The following LHFPL4 variants were observed in gnomAD, a reference collection of about 807,000 sequenced individuals.
The protein encoded by LHFPL4 is LHFPL tetraspan subfamily member 4, also known as LHFPL tetraspan subfamily member 4 protein.
A neutral mutation model predicts 20.0 loss-of-function variants in LHFPL4; 6 were observed. The ratio of observed to expected loss-of-function variants is 0.30; its 90% CI spans 0.16 to 0.59. The LOEUF (loss-of-function observed/expected upper bound fraction) is 0.59. Among genes scored for constraint, LHFPL4 ranks in the 20% least tolerant of loss-of-function variants. The pLI, the probability that LHFPL4 is intolerant of heterozygous loss-of-function variation, is 0.88. For missense variants in LHFPL4, 215 were observed against 331.2 expected (o/e 0.65, Z 2.72); for synonymous variants, 129 against 143.8 (o/e 0.90, Z 0.74).
At chr3:9,529,937 T>A (rs1559520274) in intron 2 of LHFPL4, among the ~76,000 whole-genome samples, 1 of 151,960 alleles carries the variant, frequency 6.6e-6, no homozygotes, top group Admixed American at 6.6e-5. Flanking sequence ...GGCTCTTTTT[T>A]TTTTTTTCCT....
At chr3:9,520,595 C>T (rs956790204) in intron 2 of LHFPL4, among the ~76,000 whole-genome samples, 6 of 152,208 alleles carry the variant, frequency 3.9e-5, no homozygotes, top group South Asian at 2.1e-4. Flanking sequence ...CCGCCTGCCT[C>T]GGCCACTCAA....
chr3:9,523,933 T>C (rs998046479), intron 2 of LHFPL4, among the ~76,000 whole-genome samples: 1 of 152,164 alleles, frequency 6.6e-6, no homozygotes, highest in African/African-American at 2.4e-5. Flanking sequence ...TTATTTCTCC[T>C]TCACTTTTGA....
intron 2 of LHFPL4, among the ~76,000 whole-genome samples, chr3:9,520,474 C>A (rs939147220): frequency 5.9e-5 from 9 of 151,992 alleles, no homozygotes; most frequent in African/African-American, 1.9e-4. Context: ...CTGTCTCAGC[C>A]TCCCAAGTAG....
intron 2 of LHFPL4, among the ~76,000 whole-genome samples, chr3:9,548,923 A>G (rs1234644159): frequency 6.6e-6 from 1 of 152,182 alleles, no homozygotes; most frequent in Non-Finnish European, 1.5e-5. Flanking sequence ...ATCTACTAGT[A>G]GCCTTATTTG....
intron 3 of LHFPL4, among the ~76,000 whole-genome samples, chr3:9,504,285 C>T (rs565120749): frequency 2.0e-5 from 3 of 149,112 alleles, no homozygotes; most frequent in Non-Finnish European, 3.0e-5. Context: ...GGCTGAGGCA[C>T]GAGGATTACT....
intron 2 of LHFPL4, among the ~76,000 whole-genome samples, chr3:9,534,097 G>A (rs1410217714): frequency 1.3e-5 from 2 of 151,750 alleles, no homozygotes; most frequent in African/African-American, 2.4e-5. Context: ...ATGCCACCAT[G>A]CAGTAGTCCC....
intron 2 of LHFPL4, among the ~76,000 whole-genome samples, chr3:9,519,463 T>C (rs2046324340): frequency 6.6e-6 from 1 of 152,182 alleles, no homozygotes; most frequent in Admixed American, 6.5e-5. Flanking sequence ...GTTGATCTTT[T>C]CAAAAAAATA....
chr3:9,532,389 G>A (rs766639403), intron 2 of LHFPL4, among the ~76,000 whole-genome samples: 20 of 151,950 alleles, frequency 1.3e-4, no homozygotes, highest in Non-Finnish European at 2.2e-4. Context: ...CACCCAGGCC[G>A]GAGTACAGTG....
chr3:9,529,114 T>G (rs2046393642), intron 2 of LHFPL4, among the ~76,000 whole-genome samples: 3 of 151,866 alleles, frequency 2.0e-5, no homozygotes, highest in Non-Finnish European at 4.4e-5. Flanking sequence ...CTACAACCTC[T>G]GCCTCCCAGG....
At position 9,552,311 on chromosome 3, in the gene LHFPL4, C is replaced by G. The variant is rs778518537; in HGVS notation, c.369G>C (p.Thr123=). The change falls in exon 2 of 4, where the codon ACG becomes ACC. Residue 123 remains threonine, a synonymous_variant. Coordinates refer to ENST00000287585, the MANE Select transcript of LHFPL4 (RefSeq NM_198560.3). ...FSLFFFCNTA[T]VYKICAWMQL... ...GCATCCAGGCGCAGATCTTGTAGAC[C>G]GTAGCCGTGTTGCAGAAGAAGAAAA... The G allele has an allele frequency of 1.9e-6, 3 of 1,613,062 alleles. No homozygotes were observed. The highest frequency in any genetic ancestry group is 8.5e-7 in the Non-Finnish European group (1 of 1,179,580).
At chr3:9,510,045 A>C (rs73130142) in intron 2 of LHFPL4, among the ~76,000 whole-genome samples, 1 of 152,194 alleles carries the variant, frequency 6.6e-6, no homozygotes, top group Non-Finnish European at 1.5e-5. Flanking sequence ...TTGACATTCA[A>C]GCTAGATGAT....
intron 2 of LHFPL4, among the ~76,000 whole-genome samples, chr3:9,541,986 C>A (rs2046479659): frequency 6.6e-6 from 1 of 152,008 alleles, no homozygotes; most frequent in African/African-American, 2.4e-5. Flanking sequence ...ATGTGTCTAC[C>A]TAGAAACTTG....
In LHFPL4 at chr3:9,502,128, T is replaced by C; in HGVS notation, c.*83A>G. The C allele has an allele frequency of 1.0e-6, 1 of 995,364 alleles. No individual in the cohort carries two copies. Among genetic ancestry groups the C allele is most frequent in the South Asian group, 1.3e-5 (1 of 75,216 alleles). 61.7% of individuals were successfully genotyped at this position (995,364 alleles called of 1,614,324 possible). A position where few individuals can be genotyped will look rare whatever the true frequency, so the allele number is the denominator to read the frequency against. On this transcript the variant is annotated 3_prime_UTR_variant, in exon 4 of 4. Transcript: ENST00000287585. ...GTAAGTCTGAGATCAGGGTCTTCCCTCAGAGCTTGAATGGAGTGACGAGAG... is the reference window on the plus strand; with the variant it reads ...GTAAGTCTGAGATCAGGGTCTTCCCCCAGAGCTTGAATGGAGTGACGAGAG...
intron 2 of LHFPL4, among the ~76,000 whole-genome samples, chr3:9,513,052 T>C (rs1162715333): frequency 6.6e-6 from 1 of 151,938 alleles, no homozygotes; most frequent in Non-Finnish European, 1.5e-5. Flanking sequence ...CTCCGCCTCC[T>C]GGATTCACGC....
chr3:9,513,133 T>G (rs2046272335), intron 2 of LHFPL4, among the ~76,000 whole-genome samples: 1 of 152,016 alleles, frequency 6.6e-6, no homozygotes, highest in Admixed American at 6.6e-5. Flanking sequence ...CTAATTTTTT[T>G]GTATTTTTAG....
chr3:9,500,201 A>T lies in LHFPL4; in HGVS notation c.*2010T>A, dbSNP rs1472074251. 2 of 150,016 alleles carry T rather than the reference A, an allele frequency of 1.3e-5. No individual in the cohort carries two copies. Among genetic ancestry groups the T allele is most frequent in the East Asian group, 3.9e-4 (2 of 5,082 alleles). The allele number at this position is 150,016 out of a possible 1,614,324, so 9.3% of individuals were successfully genotyped here. A position where few individuals can be genotyped will look rare whatever the true frequency, so the allele number is the denominator to read the frequency against. ...GCGCCCCTCCCCTCACTCTCTCCTAACTCTGCTCTCCCCCTCCAACGCTGG... is the reference window on the plus strand; with the variant it reads ...GCGCCCCTCCCCTCACTCTCTCCTATCTCTGCTCTCCCCCTCCAACGCTGG... On this transcript the variant is annotated 3_prime_UTR_variant, in exon 4 of 4. Transcript: ENST00000287585.
At position 9,544,542 on chromosome 3, in the gene LHFPL4, G is replaced by A. The variant is rs190044135; in HGVS notation, c.406+7732C>T. Among the ~76,000 whole-genome samples the A allele has an allele frequency of 4.9e-3, 743 of 152,112 alleles. 7 individuals carry two copies. The highest frequency in any genetic ancestry group is 4.2e-3 in the Non-Finnish European group (286 of 67,978). ...CGGGAGGCTGAAGCAGGAGAATTGC[G>A]TGAACCCGGGAGGCAGAGGTTGCAG... On this transcript the variant is annotated intron_variant, in intron 2 of 3. Transcript: ENST00000287585.
intron 2 of LHFPL4, among the ~76,000 whole-genome samples, chr3:9,545,735 G>T (rs1215555325): frequency 6.7e-6 from 1 of 150,344 alleles, no homozygotes; most frequent in African/African-American, 2.5e-5. Context: ...AAATAAATAA[G>T]ATAAAATAAA....
At chr3:9,542,019 C>T (rs573912866) in intron 2 of LHFPL4, among the ~76,000 whole-genome samples, 8 of 152,134 alleles carry the variant, frequency 5.3e-5, no homozygotes, top group Non-Finnish European at 1.0e-4. Flanking sequence ...GGCGTGGTGA[C>T]TCATGCCTGT....
Sources: allele counts gnomAD v4.1 joint callset (sites outside exome capture counted in the v4.1 genomes callset), GRCh38; gene constraint gnomAD v4.1.1; transcripts MANE v1.5; gene names NCBI Gene and HGNC (gene_info 2026-07-23, HGNC 2026-07-21).